ULK2: variants seen among roughly 807,000 people sequenced by gnomAD.
The protein encoded by ULK2 is unc-51 like autophagy activating kinase 2.
ULK2 carries 76 observed loss-of-function variants against 127.5 expected under a neutral mutation model. The observed-to-expected ratio is 0.60, with a 90% CI of 0.50 to 0.72. ULK2 has a LOEUF of 0.72. Ranked by LOEUF, ULK2 falls within the 30% of genes least tolerant of loss-of-function variation. The pLI is 0.00. For missense variants in ULK2, 1,144 were observed against 1,295.9 expected (o/e 0.88, Z 1.80); for synonymous variants, 452 against 461.9 (o/e 0.98, Z 0.28).
At chr17:19,831,602 A>C (rs900141135) in intron 10 of ULK2, among the ~76,000 whole-genome samples, 11 of 152,202 alleles carry the variant, frequency 7.2e-5, no homozygotes, top group African/African-American at 2.7e-4. Context: ...AGGCAGGCAG[A>C]TTACTTGAGG....
intron 13 of ULK2, among the ~76,000 whole-genome samples, chr17:19,811,464 CAG>C (rs1258815800): frequency 3.3e-5 from 5 of 151,156 alleles, no homozygotes; most frequent in African/African-American, 1.2e-4. Context: ...ATTTTTGAGA[CAG>C]AGTCTCACTC....
In ULK2 at chr17:19,843,112, T is replaced by C. The variant is rs200532603; in HGVS notation, c.645+9A>G. On this transcript the variant is annotated intron_variant, in intron 8 of 26. Transcript: ENST00000395544. ...CAAAACTGAGGACATAAGAAAAAAG[T>C]CAGCCTACCTGAAAAGGTGGTTTTC... The C allele has an allele frequency of 1.7e-4, 270 of 1,608,388 alleles. No homozygotes were observed. Among genetic ancestry groups the C allele is most frequent in the Admixed American group, 3.0e-4 (18 of 59,918 alleles).
intron 3 of ULK2, among the ~76,000 whole-genome samples, 196 bp from the exon 4 acceptor site, chr17:19,849,970 G>A (rs2041976550): frequency 6.6e-6 from 1 of 152,094 alleles, no homozygotes; most frequent in South Asian, 2.1e-4. Flanking sequence ...TCAAGTTTTG[G>A]TAACACTAAT....
intron 10 of ULK2, among the ~76,000 whole-genome samples, chr17:19,834,406 G>A (rs543858927): frequency 6.6e-6 from 1 of 151,782 alleles, no homozygotes; most frequent in African/African-American, 2.4e-5. Flanking sequence ...TTATAAAATT[G>A]TACTATTGGG....
At chr17:19,815,548 T>C (rs957887939) in intron 13 of ULK2, among the ~76,000 whole-genome samples, 3 of 152,242 alleles carry the variant, frequency 2.0e-5, no homozygotes, top group African/African-American at 7.2e-5. Flanking sequence ...CCCAAAGTGG[T>C]GGGATTACAG....
intron 10 of ULK2, among the ~76,000 whole-genome samples, chr17:19,828,519 G>C (rs1246850175): frequency 6.6e-6 from 1 of 152,180 alleles, no homozygotes; most frequent in Non-Finnish European, 1.5e-5. Flanking sequence ...TGCAACTAAA[G>C]TTAATATGAA....
At chr17:19,865,059 AC>A (rs2042324293) in intron 2 of ULK2, among the ~76,000 whole-genome samples, 3 of 151,314 alleles carry the variant, frequency 2.0e-5, no homozygotes, top group African/African-American at 7.4e-5. Context: ...TCAAAGAGCT[AC>A]AATTCTTAAA....
intron 21 of ULK2, 32 bp downstream of exon 21, chr17:19,785,905 C>A (rs779698619): frequency 6.3e-7 from 1 of 1,590,762 alleles, no homozygotes; most frequent in Admixed American, 1.8e-5. Context: ...CAAATACTAG[C>A]CAAAGACTGT....
intron 13 of ULK2, among the ~76,000 whole-genome samples, chr17:19,811,448 T>C (rs2087638053): frequency 1.3e-5 from 2 of 151,928 alleles, no homozygotes; most frequent in Admixed American, 6.6e-5. Context: ...TTTTTTTAAT[T>C]TATGTATTTT....
intron 20 of ULK2, among the ~76,000 whole-genome samples, chr17:19,790,060 G>A (rs924656513): frequency 6.6e-6 from 1 of 152,146 alleles, no homozygotes; most frequent in African/African-American, 2.4e-5. Flanking sequence ...AAGAAGCAAG[G>A]AGATAGAGTA....
At chr17:19,828,084 T>A (rs1298612708) in intron 10 of ULK2, among the ~76,000 whole-genome samples, 1 of 152,106 alleles carries the variant, frequency 6.6e-6, no homozygotes, top group Non-Finnish European at 1.5e-5. Context: ...ATCAAAAATC[T>A]TGAGGCCAGA....
At position 19,799,496 on chromosome 17, in the gene ULK2, TG is replaced by T; in HGVS notation, c.1520del (p.Ser507Ter). 1 of 1,563,500 alleles carries T rather than the reference TG, an allele frequency of 6.4e-7. No homozygotes were observed. The highest frequency in any genetic ancestry group is 2.1e-5 in the Admixed American group (1 of 48,010). On this transcript the variant is annotated frameshift_variant and splice_region_variant, in exon 17 of 27. Transcript: ENST00000395544. LOFTEE classifies it high-confidence loss of function. ...AATAAACCAAATACATTATCCTACC[TG>T]AGGAGTTTCTACTCCTGGAGTCATG... ...QGHDSRSRNS[S>X]GSPVPQAQSP...
chr17:19,802,841 T>C (rs762637687), intron 15 of ULK2, among the ~76,000 whole-genome samples: 1 of 152,262 alleles, frequency 6.6e-6, no homozygotes, highest in Non-Finnish European at 1.5e-5. Flanking sequence ...AATTTTTACC[T>C]GTGCATGATT....
chr17:19,814,577 A>G (rs1365578622), intron 13 of ULK2, among the ~76,000 whole-genome samples: 2 of 150,706 alleles, frequency 1.3e-5, no homozygotes, highest in Non-Finnish European at 2.9e-5. Context: ...ATACCCAGCT[A>G]CTTTTTCTAT....
intron 7 of ULK2, among the ~76,000 whole-genome samples, chr17:19,843,949 C>T (rs2041823774): frequency 6.6e-6 from 1 of 152,070 alleles, no homozygotes; most frequent in South Asian, 2.1e-4. Flanking sequence ...TGAGCCCCTG[C>T]GCCTGGCCTA....
rs2042354912 is a variant in ULK2 at position 19,866,529 on chromosome 17, T to C, written c.91-701A>G. On this transcript the variant is annotated intron_variant, in intron 1 of 26. Coordinates refer to ENST00000395544, the MANE Select transcript of ULK2 (RefSeq NM_014683.4). ...TCTCAAAAATAAATAAATAAATAAATAAGAAAAGTAGCATTACTTCATCCG... is the reference window on the plus strand; with the variant it reads ...TCTCAAAAATAAATAAATAAATAAACAAGAAAAGTAGCATTACTTCATCCG... 8.6e-5 allele frequency among the ~76,000 whole-genome samples: 13 copies of C among 151,966 alleles called. No homozygotes were observed. The South Asian group carries it at 2.7e-3, about 32-fold the overall frequency.
chr17:19,780,598 G>A lies in ULK2; in HGVS notation c.2790C>T (p.Phe930=), dbSNP rs764520096. 3.7e-6 allele frequency: 6 copies of A among 1,611,178 alleles called. No homozygotes were observed. Among genetic ancestry groups the A allele is most frequent in the African/African-American group, 1.3e-5 (1 of 74,780 alleles). ...VVKNLNERYK[F]CITMCKKLTE... ...TAAGTTTCTTGCACATGGTGATGCAGAATTTATATCGTTCGTTCAGATTCT... is the reference window on the plus strand; with the variant it reads ...TAAGTTTCTTGCACATGGTGATGCAAAATTTATATCGTTCGTTCAGATTCT... Residue 930 remains phenylalanine (F), a synonymous_variant, in exon 25 of 27, where the codon TTC becomes TTT. Transcript: ENST00000395544.
chr17:19,840,840 G>A (rs559310416), intron 9 of ULK2, among the ~76,000 whole-genome samples: 1 of 152,066 alleles, frequency 6.6e-6, no homozygotes, highest in South Asian at 2.1e-4. Flanking sequence ...AGTGAGCCGA[G>A]ATCATGCCAC....
chr17:19,830,921 G>A (rs2041423958), intron 10 of ULK2, among the ~76,000 whole-genome samples: 1 of 151,734 alleles, frequency 6.6e-6, no homozygotes. Flanking sequence ...CCGCTACTCA[G>A]GAGCCTGAGA....
Sources: allele counts gnomAD v4.1 joint callset (sites outside exome capture counted in the v4.1 genomes callset), GRCh38; gene constraint gnomAD v4.1.1; transcripts MANE v1.5; gene names NCBI Gene and HGNC (gene_info 2026-07-23, HGNC 2026-07-21).